Variants in CTNNA3 observed in about 807,000 individuals in gnomAD.
CTNNA3 encodes catenin alpha 3, also known as catenin alpha-3.
A neutral mutation model predicts 95.7 loss-of-function variants in CTNNA3; 76 were observed. The observed-to-expected ratio is 0.79, with a 90% CI of 0.66 to 0.96. The LOEUF (loss-of-function observed/expected upper bound fraction) is 0.96, where lower values mean the gene tolerates loss of function less well. Ranked by LOEUF, CTNNA3 falls within the 40% of genes least tolerant of loss-of-function variation. The probability of loss-of-function intolerance (pLI) is 0.00; values close to 1 mark genes in which losing one functional copy is unlikely to be tolerated. For missense variants in CTNNA3, 1,191 were observed against 1,089.8 expected (o/e 1.09, Z -1.31); for synonymous variants, 431 against 374.4 (o/e 1.15, Z -1.74).
intron 5 of CTNNA3, among the ~76,000 whole-genome samples, chr10:67,278,787 A>C (rs1488606750): frequency 6.6e-6 from 1 of 152,182 alleles, no homozygotes; most frequent in Non-Finnish European, 1.5e-5. Context: ...ATGGCAAGGA[A>C]ATATATTTTG....
intron 5 of CTNNA3, among the ~76,000 whole-genome samples, chr10:67,266,524 C>A (rs532147846): frequency 2.0e-5 from 3 of 152,088 alleles, no homozygotes; most frequent in Admixed American, 6.6e-5. Flanking sequence ...ATGATATAAT[C>A]TAGACTATTG....
chr10:66,328,911 CATAT>C lies in CTNNA3; in HGVS notation c.1733-48294_1733-48291del, dbSNP rs1554935009. Among the ~76,000 whole-genome samples, 145 of 86,452 alleles carry C rather than the reference CATAT, an allele frequency of 1.7e-3. 3 individuals carry two copies. Among genetic ancestry groups the C allele is most frequent in the African/African-American group, 3.8e-3 (105 of 27,304 alleles). The allele number at this position is 86,452 out of a possible 152,430, so 56.7% of individuals were successfully genotyped here. On this transcript the variant is annotated intron_variant, in intron 12 of 17. Transcript: ENST00000433211. The stretch of plus-strand genomic sequence containing the variant: ...ACACATACACACACACACATATATA[CATAT>C]ATATATATATATATATATACACACA...
At chr10:67,529,824 C>T (rs187343434) in intron 4 of CTNNA3, among the ~76,000 whole-genome samples, 54 of 152,114 alleles carry the variant, frequency 3.5e-4, no homozygotes, top group African/African-American at 1.2e-3. Context: ...TGGCTGTGTT[C>T]CCACCCAAAT....
intron 11 of CTNNA3, among the ~76,000 whole-genome samples, chr10:66,429,826 C>T (rs2093278607): frequency 6.6e-6 from 1 of 151,958 alleles, no homozygotes; most frequent in Non-Finnish European, 1.5e-5. Context: ...GGAAACATTC[C>T]CTTTGAAAAC....
chr10:67,629,972 C>T (rs966881958), intron 2 of CTNNA3, among the ~76,000 whole-genome samples: 5 of 152,188 alleles, frequency 3.3e-5, no homozygotes, highest in Non-Finnish European at 7.3e-5. Flanking sequence ...ATATAGTCAA[C>T]TCCTCAAAAA....
chr10:67,153,333 T>C (rs987192646), intron 7 of CTNNA3, among the ~76,000 whole-genome samples: 2 of 152,226 alleles, frequency 1.3e-5, no homozygotes, highest in Non-Finnish European at 1.5e-5. Context: ...GATTCAGATT[T>C]AATTGGTCAA....
intron 9 of CTNNA3, among the ~76,000 whole-genome samples, chr10:66,745,755 A>ATTT (rs34185477): frequency 1.3e-4 from 17 of 128,208 alleles, no homozygotes; most frequent in South Asian, 5.2e-4. Flanking sequence ...ACACCTCGCT[A>ATTT]TTTTTTTTTT....
chr10:66,354,297 A>C (rs1264785611), intron 12 of CTNNA3, among the ~76,000 whole-genome samples: 1 of 139,356 alleles, frequency 7.2e-6, no homozygotes, highest in Non-Finnish European at 1.6e-5. Flanking sequence ...AAATAAAAAA[A>C]AAAAGTCTAT....
intron 13 of CTNNA3, among the ~76,000 whole-genome samples, chr10:66,134,403 T>G (rs2083258693): frequency 6.6e-6 from 1 of 152,100 alleles, no homozygotes; most frequent in South Asian, 2.1e-4. Context: ...TATGAGAAGT[T>G]CATTATTTGT....
At position 66,789,043 on chromosome 10, in the gene CTNNA3, T is replaced by C. The variant is rs1358125137; in HGVS notation, c.1048-13519A>G. On this transcript the variant is annotated intron_variant, in intron 7 of 17. Coordinates refer to ENST00000433211, the MANE Select transcript of CTNNA3 (RefSeq NM_013266.4). Reference sequence around the variant, plus strand: ...TAAGCACAGTTTTAATTTAGTAAGATCTTTTGTTATAATAACAAGTGCATT... The same window carrying C: ...TAAGCACAGTTTTAATTTAGTAAGACCTTTTGTTATAATAACAAGTGCATT... Among the ~76,000 whole-genome samples the C allele has an allele frequency of 2.0e-5, 3 of 152,208 alleles. No individual in the cohort carries two copies. In the East Asian group the frequency reaches 5.8e-4, roughly 29 times the overall value.
intron 13 of CTNNA3, among the ~76,000 whole-genome samples, chr10:66,171,619 T>G (rs1267430802): frequency 6.6e-6 from 1 of 152,060 alleles, no homozygotes; most frequent in Admixed American, 6.6e-5. Flanking sequence ...AAGCATGTGT[T>G]CGTTATGATG....
intron 9 of CTNNA3, among the ~76,000 whole-genome samples, chr10:66,664,612 A>G (rs891079039): frequency 2.0e-5 from 3 of 152,002 alleles, no homozygotes; most frequent in Non-Finnish European, 4.4e-5. Flanking sequence ...ATCTAGAAAC[A>G]TGACTATTAA....
intron 5 of CTNNA3, among the ~76,000 whole-genome samples, chr10:67,395,812 T>C (rs537092103): frequency 6.6e-6 from 1 of 152,286 alleles, no homozygotes; most frequent in African/African-American, 2.4e-5. Context: ...ACAACCTATG[T>C]GGATAGAATT....
chr10:67,244,168 G>A (rs187692808), intron 5 of CTNNA3, among the ~76,000 whole-genome samples: 35 of 152,326 alleles, frequency 2.3e-4, no homozygotes, highest in Admixed American at 1.8e-3. Context: ...ACTAGGCTAA[G>A]TAGATTTGTT....
At chr10:66,087,648 CT>C (rs1223558842) in intron 14 of CTNNA3, among the ~76,000 whole-genome samples, 1 of 152,106 alleles carries the variant, frequency 6.6e-6, no homozygotes, top group Non-Finnish European at 1.5e-5. Context: ...GCTTGGTTGA[CT>C]CTTTTGTTTT....
intron 5 of CTNNA3, among the ~76,000 whole-genome samples, chr10:67,343,242 C>T (rs879430072): frequency 9.2e-5 from 14 of 152,082 alleles, no homozygotes; most frequent in Middle Eastern, 3.2e-3. Context: ...TGAGGCACCG[C>T]GCCCAGCCCA....
chr10:66,982,716 A>C (rs1850510956), intron 7 of CTNNA3, among the ~76,000 whole-genome samples: 1 of 152,230 alleles, frequency 6.6e-6, no homozygotes, highest in African/African-American at 2.4e-5. Flanking sequence ...TAAGCTAAGT[A>C]ATAAGACAAG....
intron 10 of CTNNA3, among the ~76,000 whole-genome samples, chr10:66,538,168 C>T (rs1273037538): frequency 6.6e-6 from 1 of 152,118 alleles, no homozygotes; most frequent in Non-Finnish European, 1.5e-5. Context: ...TCTTTAATAA[C>T]ACAATTTTTT....
At chr10:67,385,528 T>C (rs950759903) in intron 5 of CTNNA3, among the ~76,000 whole-genome samples, 1 of 152,236 alleles carries the variant, frequency 6.6e-6, no homozygotes, top group Non-Finnish European at 1.5e-5. Context: ...TCACAAACTC[T>C]AATAGAATAA....
Sources: gnomAD v4.1 joint callset for allele counts (sites outside exome capture counted in the v4.1 genomes callset) on GRCh38, gnomAD v4.1.1 for gene constraint, MANE v1.5 for transcripts, NCBI Gene and HGNC (gene_info 2026-07-23, HGNC 2026-07-21) for gene names.